IRF1: variants seen among roughly 807,000 people sequenced by gnomAD.
The protein encoded by IRF1 is interferon regulatory factor 1, also known as interferon regulatory factor-1.
A neutral mutation model predicts 43.7 loss-of-function variants in IRF1; 13 were observed. The observed-to-expected ratio is 0.30, with a 90% confidence interval of 0.19 to 0.47. The LOEUF is 0.47. Ranked by LOEUF, IRF1 falls within the 20% of genes least tolerant of loss-of-function variation. IRF1 has a pLI of 0.99. For synonymous variants in IRF1, 138 were observed against 146.8 expected, an observed-to-expected ratio of 0.94 and a Z score of 0.43; for missense variants, 236 against 408.9, an observed-to-expected ratio of 0.58 and a Z score of 3.65.
rs1285095367 is a variant in IRF1 at position 132,484,370 on chromosome 5, C to T, written c.845G>A (p.Ser282Asn). ...ATCCAGGGCCTTCTTACCCCCTGGG[C>T]TGTCAATTTCTGGCTCCTCCTTACA... ...FSCKEEPEID[S>N]PGGDIGLSLQ... The change falls in exon 9 of 10, where the codon AGC becomes AAC. Residue 282 changes from serine (S) to asparagine (N), a missense_variant. Physicochemically the swap from Ser to Asn is conservative, Grantham distance 46 (BLOSUM62 1). This residue lies in a region of IRF1 where 170 missense variants were observed against 251.8 expected (regional missense o/e 0.68). Coordinates refer to ENST00000245414, the MANE Select transcript of IRF1 (RefSeq NM_002198.3). 3 of 1,613,994 alleles carry T rather than the reference C, an allele frequency of 1.9e-6. No homozygotes were observed. The African/African-American group carries it at 4.0e-5, about 22-fold the overall frequency.
rs1580939349 is a variant in IRF1, at chr5:132,486,650, C to T, written c.451G>A (p.Gly151Arg). The T allele has an allele frequency of 6.2e-7, 1 of 1,614,170 alleles. No homozygotes were observed. ...TCAGGCAGAGTGGAGCTGCTGAGTC[C>T]ATCAGAGAAGGTATCAGGGCTGGAA... The part of the protein sequence containing the change: ...GDSSPDTFSD[G>R]LSSSTLPDDH... The change falls in exon 6 of 10, where the codon GGA becomes AGA. Residue 151 changes from glycine to arginine, a missense_variant. Gly to Arg is a moderately radical substitution (Grantham distance 125). This residue lies in a region of IRF1 where 170 missense variants were observed against 251.8 expected (regional missense o/e 0.68). Transcript: ENST00000245414.
intron 2 of IRF1, chr5:132,488,358 T>G (rs1754600173): frequency 3.8e-6 from 1 of 261,910 alleles, no homozygotes; most frequent in Non-Finnish European, 7.6e-6. Context: ...CTCTCTGGCT[T>G]GTAAGCACCC....
At chr5:132,486,111 C>G in intron 7 of IRF1, 140 bp downstream of exon 7, 1 of 1,195,100 alleles carries the variant, frequency 8.4e-7, no homozygotes, top group Admixed American at 1.9e-5. Context: ...CTTGCCTCCC[C>G]CTATGGTGGC....
chr5:132,488,180 G>T, intron 2 of IRF1, 155 bp from the exon 3 acceptor site: 1 of 627,872 alleles, frequency 1.6e-6, no homozygotes, highest in South Asian at 1.8e-5. Context: ...CACCCATCTT[G>T]AGGCTGGCTT....
Position 132,484,402 on chromosome 5 carries a change from G to A in IRF1, c.813C>T (p.Asp271=), listed in dbSNP as rs760252123. The part of the protein sequence containing the change: ...PGVQPTSVYG[D]FSCKEEPEID... ...TTTCTGGCTCCTCCTTACAGCTAAA[G>A]TCTCCATAGACAGAGGTGGGCTGGA... is the stretch of plus-strand genomic sequence containing the variant. Residue 271 remains aspartate, a synonymous_variant, in exon 9 of 10, where the codon GAC becomes GAT. Transcript: ENST00000245414. 1.2e-6 allele frequency: 2 copies of A among 1,614,030 alleles called. No homozygotes were observed. The highest frequency in any genetic ancestry group is 3.3e-5 in the Admixed American group (2 of 59,996).
chr5:132,489,500 G>C lies in IRF1; in HGVS notation c.-5-17C>G, dbSNP rs759237372. 5 of 1,604,382 alleles carry C rather than the reference G, an allele frequency of 3.1e-6. No homozygotes were observed. In the South Asian group the frequency reaches 5.5e-5, roughly 18 times the overall value. On this transcript the variant is annotated splice_polypyrimidine_tract_variant and intron_variant, in intron 1 of 9. Transcript: ENST00000245414. ...GCATGTTGGCTGTAAAGAGAACACA[G>C]AGGCTCCAGTCTGGAATCTGTTGAA... is the stretch of plus-strand genomic sequence containing the variant.
intron 2 of IRF1, chr5:132,488,564 T>C (rs918684753): frequency 6.5e-6 from 1 of 153,406 alleles, no homozygotes; most frequent in Non-Finnish European, 1.5e-5. Flanking sequence ...TGAGAAAACA[T>C]ATCCAACAAA....
rs1384239988 is a variant in IRF1 at position 132,490,417 on chromosome 5, G to C, written c.-6+128C>G. On this transcript the variant is annotated intron_variant, in intron 1 of 9. Coordinates refer to ENST00000245414, the MANE Select transcript of IRF1 (RefSeq NM_002198.3). This position sits in a 1 kb window ranked among gnomAD's most constrained non-coding sequence, Gnocchi z 5.8. Reference sequence around the variant, plus strand: ...TCCTCCGGCGCCCCCCGGAGCCCGCGCGGAGGCCCGGGCAACGCCGCGCGC... The same window carrying C: ...TCCTCCGGCGCCCCCCGGAGCCCGCCCGGAGGCCCGGGCAACGCCGCGCGC... 2 of 149,852 alleles carry C rather than the reference G, an allele frequency of 1.3e-5. No individual in the cohort carries two copies. The highest frequency in any genetic ancestry group is 4.9e-5 in the African/African-American group (2 of 41,074). The allele number at this position is 149,852 out of a possible 1,614,324, so 9.3% of individuals were successfully genotyped here.
At position 132,486,677 on chromosome 5, in the gene IRF1, C is replaced by A; in HGVS notation, c.424G>T (p.Asp142Tyr). 1 of 1,613,876 alleles carries A rather than the reference C, an allele frequency of 6.2e-7. No individual in the cohort carries two copies. The highest frequency in any genetic ancestry group is 1.1e-5 in the South Asian group (1 of 91,082). The change falls in exon 6 of 10, where the codon GAT becomes TAT. Residue 142 changes from aspartate (D) to tyrosine (Y), a missense_variant. By Grantham distance (160) the Asp-to-Tyr change is radical. Around this residue, in one of 2 missense-constraint regions of IRF1, gnomAD observed 170 missense variants for 251.8 expected, o/e 0.68. Coordinates refer to ENST00000245414, the MANE Select transcript of IRF1 (RefSeq NM_002198.3). Reference protein sequence around the residue: ...KSKAKRKSCGDSSPDTFSDGL... With the variant: ...KSKAKRKSCGYSSPDTFSDGL... ...TCAGAGAAGGTATCAGGGCTGGAAT[C>A]CCCACATGACTGTCGAGGGAGAAAG...
chr5:132,487,768 T>C, intron 3 of IRF1, 158 bp downstream of exon 3: 1 of 605,674 alleles, frequency 1.7e-6, no homozygotes, highest in South Asian at 1.9e-5. Flanking sequence ...TCGACTCTCT[T>C]CTCCAGAAAC....
chr5:132,484,772 A>G, intron 8 of IRF1: 1 of 425,138 alleles, frequency 2.4e-6, no homozygotes, highest in South Asian at 4.1e-5. Context: ...TCAACTGTGT[A>G]AGGACATAGT....
In IRF1 at chr5:132,486,180, T is replaced by C. The variant is rs753001888; in HGVS notation, c.667+71A>G. 4 of 1,585,244 alleles carry C rather than the reference T, an allele frequency of 2.5e-6. No individual in the cohort carries two copies. The South Asian group carries it at 4.5e-5, about 18-fold the overall frequency. On this transcript the variant is annotated intron_variant, in intron 7 of 9. Transcript: ENST00000245414. ...GTGCCAGGTGGAGTTCTGATCATCT[T>C]TTCTCTCTCAGGAAGCCCTTCACAG...
chr5:132,483,638 C>T lies in IRF1; in HGVS notation c.*313G>A. On this transcript the variant is annotated 3_prime_UTR_variant, in exon 10 of 10. Transcript: ENST00000245414. ...GGAGCCAGCCAGTGACAGCGAGACC[C>T]TCTCCAGGCAGCTGGGCTCAGAGGA... The T allele has an allele frequency of 3.4e-6, 1 of 297,136 alleles. No individual in the cohort carries two copies. The highest frequency in any genetic ancestry group is 6.5e-6 in the Non-Finnish European group (1 of 154,630). The allele number at this position is 297,136 out of a possible 1,614,324, so 18.4% of individuals were successfully genotyped here. A position where few individuals can be genotyped will look rare whatever the true frequency, so the allele number is the denominator to read the frequency against.
chr5:132,488,753 T>TAC (rs1754614799), intron 2 of IRF1: 2 of 153,296 alleles, frequency 1.3e-5, no homozygotes, highest in Non-Finnish European at 2.9e-5. Flanking sequence ...TCTCAGTGCC[T>TAC]CTGTTTACTT....
chr5:132,489,259 TGCAGGACCCACTGGG>T (rs1754635731), intron 2 of IRF1, 118 bp downstream of exon 2: 4 of 710,772 alleles, frequency 5.6e-6, no homozygotes, highest in Admixed American at 4.1e-5. Flanking sequence ...ACTCCCTGCA[TGCAGGACCCACTGGG>T]AGAAACACCT....
At chr5:132,489,150 T>C in intron 2 of IRF1, 1 of 456,854 alleles carries the variant, frequency 2.2e-6, no homozygotes. Context: ...CTGGAAAGTC[T>C]TGCTGCTGGA....
intron 9 of IRF1, 29 bp from the exon 10 acceptor site, chr5:132,484,104 G>A: frequency 6.2e-7 from 1 of 1,610,958 alleles, no homozygotes; most frequent in Non-Finnish European, 8.5e-7. Flanking sequence ...GTTGTATGAG[G>A]GTAGGGGACG....
chr5:132,486,838 T>C lies in IRF1; in HGVS notation c.371A>G (p.Lys124Arg). The C allele has an allele frequency of 6.2e-7, 1 of 1,614,204 alleles. No individual in the cohort carries two copies. Among genetic ancestry groups the C allele is most frequent in the Non-Finnish European group, 8.5e-7 (1 of 1,180,028 alleles). Residue 124 changes from lysine to arginine, a missense_variant, in exon 5 of 10, where the codon AAG becomes AGG. By Grantham distance (26) the Lys-to-Arg change is conservative. Transcript: ENST00000245414. ...PLTKNQRKERKSKSSRDAKSK... is the reference protein window; with the variant it reads ...PLTKNQRKERRSKSSRDAKSK... The stretch of plus-strand genomic sequence containing the variant: ...CTTAGCATCTCGGCTGGACTTCGAC[T>C]TTCTTTCTGTGGGGCAGACGGGCTG...
Position 132,485,861 on chromosome 5 carries a change from G to A in IRF1, c.668-145C>T. ...CACACACACACACACCCTCCCGGTG[G>A]ACCTATCTGCCATAGAGATTCCAGA... is the stretch of plus-strand genomic sequence containing the variant. On this transcript the variant is annotated intron_variant, in intron 7 of 9. Coordinates refer to ENST00000245414, the MANE Select transcript of IRF1 (RefSeq NM_002198.3). 3 of 606,570 alleles carry A rather than the reference G, an allele frequency of 4.9e-6. No homozygotes were observed. In the South Asian group the frequency reaches 5.2e-5, roughly 11 times the overall value. The allele number at this position is 606,570 out of a possible 1,614,324, so 37.6% of individuals were successfully genotyped here. A position where few individuals can be genotyped will look rare whatever the true frequency, so the allele number is the denominator to read the frequency against.
Sources: gnomAD v4.1 joint callset for allele counts on GRCh38, gnomAD v4.1.1 for gene constraint, gnomAD v4.1.1 regional missense constraint, Gnocchi (gnomAD v3.1) non-coding constraint, MANE v1.5 for transcripts, NCBI Gene and HGNC (gene_info 2026-07-23, HGNC 2026-07-21) for gene names.